Variants in CACNA2D1 observed in about 807,000 individuals in gnomAD.
The protein encoded by CACNA2D1 is voltage-dependent calcium channel subunit alpha-2/delta-1.
A neutral mutation model predicts 171.5 loss-of-function variants in CACNA2D1; 53 were observed. The ratio of observed to expected loss-of-function variants is 0.31; its 90% CI spans 0.25 to 0.39. CACNA2D1 has a LOEUF of 0.39. Among genes scored for constraint, CACNA2D1 ranks in the 10% least tolerant of loss-of-function variants. The pLI, the probability that CACNA2D1 is intolerant of heterozygous loss-of-function variation, is 1.00. For synonymous variants in CACNA2D1, 442 were observed against 443.1 expected, an observed-to-expected ratio of 1.00 and a Z score of 0.03; for missense variants, 903 against 1,299.8, an observed-to-expected ratio of 0.69 and a Z score of 4.69.
chr7:82,090,603 T>A (rs1297820491), intron 6 of CACNA2D1, among the ~76,000 whole-genome samples: 1 of 152,048 alleles, frequency 6.6e-6, no homozygotes, highest in Non-Finnish European at 1.5e-5. Context: ...ACAGTATATT[T>A]AATACTGTCT....
intron 12 of CACNA2D1, among the ~76,000 whole-genome samples, chr7:82,019,333 A>C (rs779339187): frequency 2.7e-4 from 41 of 152,218 alleles, no homozygotes; most frequent in Non-Finnish European, 4.3e-4. Flanking sequence ...CAAAAAACAA[A>C]AAACAAAAAA....
Position 82,349,515 on chromosome 7 carries a change from T to G in CACNA2D1, c.177+53A>C, listed in dbSNP as rs1013620392. ...GACACAGTTTCCTAGAAGATAGAAC[T>G]GCATTCGAATTAATGAAAAGATTAA... On this transcript the variant is annotated intron_variant, in intron 2 of 38. Transcript: ENST00000356860. 36 of 1,327,844 alleles carry G rather than the reference T, an allele frequency of 2.7e-5. No individual in the cohort carries two copies. The African/African-American group carries it at 5.1e-4, about 19-fold the overall frequency. The allele number at this position is 1,327,844 out of a possible 1,614,324, so 82.3% of individuals were successfully genotyped here.
intron 3 of CACNA2D1, among the ~76,000 whole-genome samples, chr7:82,261,754 C>A (rs893775350): frequency 2.6e-5 from 4 of 151,906 alleles, no homozygotes; most frequent in Admixed American, 2.6e-4. Flanking sequence ...TGGTATCCTA[C>A]TGCTACTTTA....
intron 18 of CACNA2D1, among the ~76,000 whole-genome samples, chr7:82,005,103 T>A (rs1213085299): frequency 6.6e-6 from 1 of 152,128 alleles, no homozygotes; most frequent in African/African-American, 2.4e-5. Context: ...CACACTCCTG[T>A]CTGGAGCAAT....
intron 3 of CACNA2D1, among the ~76,000 whole-genome samples, chr7:82,172,431 G>A (rs754101175): frequency 3.2e-4 from 48 of 150,930 alleles, no homozygotes; most frequent in Non-Finnish European, 2.4e-4. Context: ...GATAGAATGA[G>A]AAAATAAGCA....
At chr7:82,438,688 G>C (rs1830280051) in intron 1 of CACNA2D1, among the ~76,000 whole-genome samples, 1 of 152,158 alleles carries the variant, frequency 6.6e-6, no homozygotes, top group Non-Finnish European at 1.5e-5. Context: ...CTCACAGATA[G>C]TTCATGAAAA....
At chr7:82,322,336 C>T (rs953641617) in intron 3 of CACNA2D1, among the ~76,000 whole-genome samples, 4 of 150,766 alleles carry the variant, frequency 2.7e-5, no homozygotes, top group Admixed American at 6.6e-5. Context: ...GATTTTGGGC[C>T]GGGCATGGTG....
intron 5 of CACNA2D1, among the ~76,000 whole-genome samples, chr7:82,128,992 T>C (rs930513272): frequency 3.3e-5 from 5 of 152,184 alleles, no homozygotes; most frequent in African/African-American, 1.2e-4. Context: ...GGTATTCAAA[T>C]TCATTTTGTT....
chr7:82,276,154 T>C (rs1809289920), intron 3 of CACNA2D1, among the ~76,000 whole-genome samples: 2 of 152,198 alleles, frequency 1.3e-5, no homozygotes, highest in African/African-American at 4.8e-5. Flanking sequence ...TTAATTGCAA[T>C]TAGATAAACT....
intron 3 of CACNA2D1, among the ~76,000 whole-genome samples, chr7:82,245,584 C>T (rs900607200): frequency 2.6e-5 from 4 of 151,378 alleles, no homozygotes; most frequent in African/African-American, 7.3e-5. Flanking sequence ...AGAAGACTTT[C>T]GTAAATATTC....
In CACNA2D1 at chr7:82,443,622, A is replaced by T. The variant is rs906914026; in HGVS notation, c.-163T>A. On this transcript the variant is annotated 5_prime_UTR_variant, in exon 1 of 39. Transcript: ENST00000356860. ...GGCGCGGAGCCGCGCGGGGGACGGC[A>T]AGGGCGGGAGCGGACGCCGAGGAAG... 5.9e-6 allele frequency: 8 copies of T among 1,351,702 alleles called. No individual in the cohort carries two copies. The highest frequency in any genetic ancestry group is 7.6e-6 in the Non-Finnish European group (8 of 1,058,838). 83.7% of individuals were successfully genotyped at this position (1,351,702 alleles called of 1,614,324 possible). A position where few individuals can be genotyped will look rare whatever the true frequency, so the allele number is the denominator to read the frequency against.
At chr7:82,385,102 C>T (rs1563468289) in intron 1 of CACNA2D1, among the ~76,000 whole-genome samples, 1 of 152,150 alleles carries the variant, frequency 6.6e-6, no homozygotes, top group Non-Finnish European at 1.5e-5. Flanking sequence ...AGACAATGAA[C>T]CTAAACTCCA....
At chr7:82,367,459 A>G (rs961907165) in intron 1 of CACNA2D1, among the ~76,000 whole-genome samples, 1 of 152,098 alleles carries the variant, frequency 6.6e-6, no homozygotes, top group Non-Finnish European at 1.5e-5. Context: ...TCTCAACCAT[A>G]CTACATAAAT....
At chr7:82,303,275 G>C (rs550295905) in intron 3 of CACNA2D1, among the ~76,000 whole-genome samples, 21 of 152,278 alleles carry the variant, frequency 1.4e-4, no homozygotes, top group Non-Finnish European at 2.6e-4. Context: ...ACAAAGTGCT[G>C]TGATTACAGG....
intron 1 of CACNA2D1, among the ~76,000 whole-genome samples, chr7:82,415,427 G>C (rs536984236): frequency 7.2e-5 from 11 of 152,140 alleles, no homozygotes; most frequent in Admixed American, 2.6e-4. Context: ...CCTGCTACTT[G>C]GGAGGCTGGG....
chr7:82,157,365 G>A (rs1398491879), intron 4 of CACNA2D1, among the ~76,000 whole-genome samples: 2 of 151,976 alleles, frequency 1.3e-5, no homozygotes, highest in African/African-American at 4.8e-5. Context: ...CTTATAATGT[G>A]ATTTTATTGA....
chr7:82,274,774 T>C lies in CACNA2D1; in HGVS notation c.294+60361A>G, dbSNP rs150449679. Among the ~76,000 whole-genome samples, 23 of 152,262 alleles carry C rather than the reference T, an allele frequency of 1.5e-4. No individual in the cohort carries two copies. In the East Asian group the frequency reaches 4.4e-3, roughly 29 times the overall value. ...AACTCTATGAGGGGAGGCAATTCTT[T>C]TTTGTTGGTTCTAGCTCCTAAATCA... On this transcript the variant is annotated intron_variant, in intron 3 of 38. Transcript: ENST00000356860.
intron 3 of CACNA2D1, among the ~76,000 whole-genome samples, chr7:82,267,153 C>A (rs1165838530): frequency 1.3e-5 from 2 of 152,088 alleles, no homozygotes; most frequent in African/African-American, 4.8e-5. Context: ...ATATCACAAT[C>A]CTAAAATGAC....
intron 2 of CACNA2D1, among the ~76,000 whole-genome samples, chr7:82,348,648 C>T (rs1330557845): frequency 1.3e-5 from 2 of 152,026 alleles, no homozygotes; most frequent in Non-Finnish European, 2.9e-5. Flanking sequence ...TATTTGGTTT[C>T]CTTAAGAATT....
Sources: gnomAD v4.1 joint callset for allele counts (sites outside exome capture counted in the v4.1 genomes callset) on GRCh38, gnomAD v4.1.1 for gene constraint, MANE v1.5 for transcripts, NCBI Gene and HGNC (gene_info 2026-07-23, HGNC 2026-07-21) for gene names.